Variants in ANKRD11 observed in about 807,000 individuals in gnomAD.
ANKRD11 encodes the protein ankyrin repeat domain 11, also known as ankyrin repeat domain-containing protein 11.
ANKRD11 carries 17 observed loss-of-function variants against 195.7 expected under a neutral mutation model. The observed-to-expected ratio is 0.09, with a 90% CI of 0.06 to 0.13. The LOEUF (loss-of-function observed/expected upper bound fraction) is 0.13, where lower values mean the gene tolerates loss of function less well. Among genes scored for constraint, ANKRD11 ranks in the 10% least tolerant of loss-of-function variants. The probability of loss-of-function intolerance (pLI) is 1.00; values close to 1 mark genes in which losing one functional copy is unlikely to be tolerated. For synonymous variants in ANKRD11, 1,953 were observed against 1,528.1 expected (o/e 1.28, Z -6.49); for missense variants, 3,735 against 3,566.1 (o/e 1.05, Z -1.21).
intron 1 of ANKRD11, among the ~76,000 whole-genome samples, chr16:89,469,117 A>C (rs939077464): frequency 2.0e-5 from 3 of 151,928 alleles, no homozygotes; most frequent in Non-Finnish European, 1.5e-5. Flanking sequence ...CCTGTGTCAG[A>C]GCCTGCAGTG....
intron 2 of ANKRD11, among the ~76,000 whole-genome samples, chr16:89,401,236 G>A (rs1055821366): frequency 1.3e-5 from 2 of 152,078 alleles, no homozygotes; most frequent in African/African-American, 4.8e-5. Context: ...CCGCCACCAC[G>A]CCCGGCTAAC....
At chr16:89,439,051 A>G (rs530953692) in intron 1 of ANKRD11, among the ~76,000 whole-genome samples, 9 of 150,926 alleles carry the variant, frequency 6.0e-5, no homozygotes, top group African/African-American at 2.2e-4. Flanking sequence ...AAAAAACAAA[A>G]CCAAAAAAAA....
At chr16:89,476,712 A>C (rs1157163582) in intron 1 of ANKRD11, among the ~76,000 whole-genome samples, 1 of 152,194 alleles carries the variant, frequency 6.6e-6, no homozygotes, top group East Asian at 1.9e-4. Context: ...CATATCCTAG[A>C]GGTATACTAC....
chr16:89,336,450 G>C (rs945110053), intron 2 of ANKRD11, among the ~76,000 whole-genome samples: 4 of 152,228 alleles, frequency 2.6e-5, no homozygotes, highest in Non-Finnish European at 4.4e-5. Context: ...TAGGGACCAG[G>C]TGAACACTGA....
intron 2 of ANKRD11, among the ~76,000 whole-genome samples, chr16:89,322,684 G>C (rs2037402336): frequency 6.6e-6 from 1 of 152,188 alleles, no homozygotes. Context: ...TGGGGAGGGT[G>C]GGGAAGGGGG....
Position 89,275,079 on chromosome 16 carries a change from G to A in ANKRD11, c.7569+14C>T. The A allele has an allele frequency of 6.2e-7, 1 of 1,612,692 alleles. No individual in the cohort carries two copies. Among genetic ancestry groups the A allele is most frequent in the East Asian group, 2.2e-5 (1 of 44,854 alleles). On this transcript the variant is annotated intron_variant, in intron 10 of 12. Transcript: ENST00000301030. ...CTGGCCGTGGCGCCCCCCTGCCTGT[G>A]CCAGCCCACTTACCCGCTCGATGCT... is the stretch of plus-strand genomic sequence containing the variant.
chr16:89,362,055 C>T (rs1425703226), intron 2 of ANKRD11, among the ~76,000 whole-genome samples: 1 of 152,192 alleles, frequency 6.6e-6, no homozygotes, highest in East Asian at 1.9e-4. Flanking sequence ...TCCTCAGATA[C>T]GTTTCATTAA....
chr16:89,326,386 C>G lies in ANKRD11; in HGVS notation c.-59-9308G>C, dbSNP rs7187307. ...AAGGGGACGCAGCCACCGCCCCCCC[C>G]ACCCCGCTGCAGAAGGTGCACACCA... On this transcript the variant is annotated intron_variant, in intron 2 of 12. Transcript: ENST00000301030. 1.1e-4 allele frequency among the ~76,000 whole-genome samples: 17 copies of G among 152,012 alleles called. No homozygotes were observed. The East Asian group carries it at 1.2e-3, about 10-fold the overall frequency.
intron 2 of ANKRD11, among the ~76,000 whole-genome samples, chr16:89,349,469 G>C (rs1300818771): frequency 6.6e-6 from 1 of 152,098 alleles, no homozygotes; most frequent in East Asian, 1.9e-4. Context: ...GACAGAGCGA[G>C]ACTCATCTCA....
intron 2 of ANKRD11, among the ~76,000 whole-genome samples, chr16:89,338,063 C>T (rs971923529): frequency 6.6e-5 from 10 of 152,332 alleles, no homozygotes; most frequent in African/African-American, 2.2e-4. Context: ...ACCACTGTGT[C>T]GCGCTCTGCC....
intron 2 of ANKRD11, among the ~76,000 whole-genome samples, chr16:89,367,693 A>T (rs2040007653): frequency 1.3e-5 from 2 of 152,306 alleles, no homozygotes; most frequent in African/African-American, 4.8e-5. Flanking sequence ...CAACAGCTGC[A>T]GGTTTTTTGC....
intron 2 of ANKRD11, among the ~76,000 whole-genome samples, chr16:89,332,064 G>C (rs528185101): frequency 8.5e-5 from 13 of 152,162 alleles, no homozygotes; most frequent in Non-Finnish European, 1.3e-4. Flanking sequence ...AGGTGGAAGG[G>C]ATCATTCGAT....
intron 2 of ANKRD11, among the ~76,000 whole-genome samples, chr16:89,375,534 G>C (rs2040386031): frequency 6.6e-6 from 1 of 151,650 alleles, no homozygotes; most frequent in East Asian, 1.9e-4. Context: ...ATCTTGGCTC[G>C]CTGCAACCTC....
In ANKRD11 at chr16:89,284,174, C is replaced by T; in HGVS notation, c.2368G>A (p.Glu790Lys). ...TCTTCTTTAAAAATCTTCTCCTTCT[C>T]TTTTGAAATTTTGTCCTCTTTTAAA... is the stretch of plus-strand genomic sequence containing the variant. ...NDLKEDKISK[E>K]KEKIFKEDKE... is the part of the protein sequence containing the mutation. Residue 790 changes from glutamate to lysine, a missense_variant, in exon 9 of 13, where the codon GAG becomes AAG. Physicochemically the swap from Glu to Lys is moderately conservative, Grantham distance 56. Coordinates refer to ENST00000301030, the MANE Select transcript of ANKRD11 (RefSeq NM_013275.6). 1 of 1,605,438 alleles carries T rather than the reference C, an allele frequency of 6.2e-7. No homozygotes were observed. Among genetic ancestry groups the T allele is most frequent in the Non-Finnish European group, 8.5e-7 (1 of 1,178,028 alleles).
intron 12 of ANKRD11, among the ~76,000 whole-genome samples, chr16:89,269,178 T>C (rs1217303862): frequency 6.6e-6 from 1 of 152,096 alleles, no homozygotes; most frequent in African/African-American, 2.4e-5. Context: ...GTGTAGAGAA[T>C]CTTTTTTAGA....
intron 2 of ANKRD11, among the ~76,000 whole-genome samples, chr16:89,385,068 T>C (rs954939199): frequency 2.6e-5 from 4 of 151,876 alleles, no homozygotes; most frequent in Non-Finnish European, 5.9e-5. Context: ...GTATTTTTAG[T>C]AGAGACGATA....
chr16:89,434,155 C>A (rs868761981), intron 1 of ANKRD11, among the ~76,000 whole-genome samples: 1 of 152,152 alleles, frequency 6.6e-6, no homozygotes, highest in Non-Finnish European at 1.5e-5. Context: ...GGCAGCAGCA[C>A]CCCAGTGCCT....
chr16:89,432,847 G>C (rs1279492694), intron 1 of ANKRD11, among the ~76,000 whole-genome samples: 1 of 151,980 alleles, frequency 6.6e-6, no homozygotes, highest in Non-Finnish European at 1.5e-5. Flanking sequence ...AGAATCACTT[G>C]AGTCTCTACT....
At chr16:89,425,251 G>C (rs761889615) in intron 1 of ANKRD11, among the ~76,000 whole-genome samples, 1 of 152,096 alleles carries the variant, frequency 6.6e-6, no homozygotes, top group South Asian at 2.1e-4. Flanking sequence ...GAGAAATTTA[G>C]TCAAGGTCAC....
Sources: allele counts gnomAD v4.1 joint callset (sites outside exome capture counted in the v4.1 genomes callset), GRCh38; gene constraint gnomAD v4.1.1; transcripts MANE v1.5; gene names NCBI Gene and HGNC (gene_info 2026-07-23, HGNC 2026-07-21).